THSD7A: variants seen among roughly 807,000 people sequenced by gnomAD.
THSD7A encodes the protein thrombospondin type 1 domain containing 7A.
In THSD7A, 96 loss-of-function variants were observed where a neutral mutation model predicts 231.3. The ratio of observed to expected loss-of-function variants is 0.41; its 90% CI spans 0.35 to 0.49. The LOEUF (loss-of-function observed/expected upper bound fraction) is 0.49. Among genes scored for constraint, THSD7A ranks in the 20% least tolerant of loss-of-function variants. The pLI is 0.05. For missense variants in THSD7A, 2,290 were observed against 2,070.2 expected (o/e 1.11, Z -2.06); for synonymous variants, 940 against 743.3 (o/e 1.26, Z -4.30).
At chr7:11,388,424 T>A (rs1041248940) in intron 23 of THSD7A, among the ~76,000 whole-genome samples, 11 of 152,316 alleles carry the variant, frequency 7.2e-5, no homozygotes, top group African/African-American at 1.9e-4. Context: ...CTTTGGAGGA[T>A]GTATGTGTCC....
At chr7:11,794,237 G>A (rs1369758668) in intron 1 of THSD7A, among the ~76,000 whole-genome samples, 1 of 151,894 alleles carries the variant, frequency 6.6e-6, no homozygotes, top group African/African-American at 2.4e-5. Flanking sequence ...TAACACTAAA[G>A]GATATACTAC....
chr7:11,517,016 C>T (rs1016017358), intron 6 of THSD7A, among the ~76,000 whole-genome samples: 1 of 149,532 alleles, frequency 6.7e-6, no homozygotes, highest in Non-Finnish European at 1.5e-5. Flanking sequence ...ATACGCATTG[C>T]CATCTGTCAC....
rs974340727 is a variant in THSD7A, at chr7:11,727,137, G to C, written c.191-90176C>G. ...TTCCAGTGAAAATGTAGGCTGTCACGGAGAAGAATATTCTTATTTTACCAG... is the reference window on the plus strand; with the variant it reads ...TTCCAGTGAAAATGTAGGCTGTCACCGAGAAGAATATTCTTATTTTACCAG... On this transcript the variant is annotated intron_variant, in intron 1 of 27. Coordinates refer to ENST00000423059, the MANE Select transcript of THSD7A (RefSeq NM_015204.3). Among the ~76,000 whole-genome samples the C allele has an allele frequency of 2.6e-5, 4 of 152,054 alleles. No homozygotes were observed. The East Asian group carries it at 7.8e-4, about 30-fold the overall frequency.
At chr7:11,455,317 TC>T (rs1462801055) in intron 11 of THSD7A, among the ~76,000 whole-genome samples, 5 of 152,062 alleles carry the variant, frequency 3.3e-5, no homozygotes, top group African/African-American at 9.7e-5. Context: ...AGCCCAAGAA[TC>T]CTGATAAAAC....
chr7:11,530,266 T>G (rs570247083), intron 6 of THSD7A, among the ~76,000 whole-genome samples: 1 of 152,318 alleles, frequency 6.6e-6, no homozygotes, highest in African/African-American at 2.4e-5. Context: ...GAAGGCATAC[T>G]GAGATGTTAA....
In THSD7A at chr7:11,636,507, C is replaced by T. The variant is rs2128360455; in HGVS notation, c.645G>A (p.Gln215=). 1.2e-6 allele frequency: 2 copies of T among 1,613,868 alleles called. No individual in the cohort carries two copies. The highest frequency in any genetic ancestry group is 2.2e-5 in the East Asian group (1 of 44,852). ...GCGCCACCACATGACGCGTCCGGTG[C>T]TGGAGCCCGCTGCCGCAGGTCTTGG... The part of the protein sequence containing the change: ...ECSKTCGSGL[Q]HRTRHVVAPP... Residue 215 remains glutamine (Q), a synonymous_variant, in exon 2 of 28, where the codon CAG becomes CAA. Transcript: ENST00000423059. The surrounding 1 kb of genome is among the most constrained non-coding windows in gnomAD (Gnocchi z 10.0).
At chr7:11,497,112 T>C (rs1026535588) in intron 6 of THSD7A, among the ~76,000 whole-genome samples, 2 of 152,110 alleles carry the variant, frequency 1.3e-5, no homozygotes, top group East Asian at 1.9e-4. Context: ...AGCAAACACA[T>C]CCTTCTTCAC....
intron 1 of THSD7A, among the ~76,000 whole-genome samples, chr7:11,773,901 A>G (rs1783317616): frequency 6.6e-6 from 1 of 152,228 alleles, no homozygotes; most frequent in Non-Finnish European, 1.5e-5. Context: ...CAATGAACAA[A>G]TGGCATGAAG....
chr7:11,763,799 A>G (rs967827033), intron 1 of THSD7A, among the ~76,000 whole-genome samples: 3 of 152,110 alleles, frequency 2.0e-5, no homozygotes, highest in African/African-American at 7.2e-5. Context: ...GCTTTTCTCA[A>G]AGCTCTTATT....
chr7:11,460,885 A>G (rs1785482024), intron 10 of THSD7A, 120 bp from the exon 11 acceptor site: 1 of 682,114 alleles, frequency 1.5e-6, no homozygotes, highest in African/African-American at 1.8e-5. Context: ...AGCAATGCTC[A>G]GTTCTATCTA....
chr7:11,692,831 T>A (rs886291337), intron 1 of THSD7A, among the ~76,000 whole-genome samples: 6 of 151,538 alleles, frequency 4.0e-5, no homozygotes, highest in African/African-American at 1.5e-4. Flanking sequence ...ATAATAATTA[T>A]AATTTAAACA....
At chr7:11,610,279 AC>A (rs1446876659) in intron 2 of THSD7A, among the ~76,000 whole-genome samples, 1 of 152,202 alleles carries the variant, frequency 6.6e-6, no homozygotes, top group African/African-American at 2.4e-5. Context: ...CCCCTATCAG[AC>A]TTTCACTCCC....
chr7:11,608,629 A>G (rs1780816053), intron 2 of THSD7A, among the ~76,000 whole-genome samples: 1 of 152,154 alleles, frequency 6.6e-6, no homozygotes, highest in Non-Finnish European at 1.5e-5. Context: ...ATAATTCGTA[A>G]AAATATAAGA....
chr7:11,649,860 T>C (rs1307911360), intron 1 of THSD7A, among the ~76,000 whole-genome samples: 2 of 151,926 alleles, frequency 1.3e-5, no homozygotes, highest in African/African-American at 4.8e-5. Context: ...CACTTTCTAG[T>C]CACCAAATCC....
intron 6 of THSD7A, among the ~76,000 whole-genome samples, chr7:11,510,497 C>T (rs547599224): frequency 2.0e-5 from 3 of 152,264 alleles, no homozygotes; most frequent in African/African-American, 7.2e-5. Context: ...ACCAATATCA[C>T]TGAGGAACAT....
In THSD7A at chr7:11,474,907, G is replaced by C. The variant is rs2128302478; in HGVS notation, c.2018-339C>G. Among the ~76,000 whole-genome samples, 1 of 152,222 alleles carries C rather than the reference G, an allele frequency of 6.6e-6. No homozygotes were observed. Among genetic ancestry groups the C allele is most frequent in the African/African-American group, 2.4e-5 (1 of 41,540 alleles). On this transcript the variant is annotated intron_variant, in intron 7 of 27. Coordinates refer to ENST00000423059, the MANE Select transcript of THSD7A (RefSeq NM_015204.3). This position sits in a 1 kb window ranked among gnomAD's most constrained non-coding sequence, Gnocchi z 4.1. The stretch of plus-strand genomic sequence containing the variant: ...AAGGAGTACAATTTCACTACTTTTT[G>C]GAGTCTGAAGAATGCCTCAGATTGA...
intron 13 of THSD7A, among the ~76,000 whole-genome samples, chr7:11,436,266 A>G (rs1784629018): frequency 6.6e-6 from 1 of 152,064 alleles, no homozygotes; most frequent in Non-Finnish European, 1.5e-5. Flanking sequence ...GAAGCTTATT[A>G]AAATGATTTA....
At chr7:11,400,989 A>G (rs1783382891) in intron 23 of THSD7A, among the ~76,000 whole-genome samples, 1 of 152,180 alleles carries the variant, frequency 6.6e-6, no homozygotes, top group South Asian at 2.1e-4. Flanking sequence ...GCTTACATTG[A>G]GTGAATGATT....
At chr7:11,619,484 C>T (rs1781232427) in intron 2 of THSD7A, among the ~76,000 whole-genome samples, 1 of 151,078 alleles carries the variant, frequency 6.6e-6, no homozygotes, top group Non-Finnish European at 1.5e-5. Flanking sequence ...TCATAGTTCA[C>T]TGCAGCCTCC....
Sources: gnomAD v4.1 joint callset for allele counts (sites outside exome capture counted in the v4.1 genomes callset) on GRCh38, gnomAD v4.1.1 for gene constraint, Gnocchi (gnomAD v3.1) non-coding constraint, MANE v1.5 for transcripts, NCBI Gene and HGNC (gene_info 2026-07-23, HGNC 2026-07-21) for gene names.